The following SESTD1 variants were observed in gnomAD, a reference collection of about 807,000 sequenced individuals.
SESTD1 encodes the protein SEC14 domain and spectrin repeat-containing protein 1.
Under a neutral mutation model 101.7 loss-of-function variants are expected in SESTD1, and 43 were observed. The ratio of observed to expected loss-of-function variants is 0.42; its 90% CI spans 0.33 to 0.55. The LOEUF (loss-of-function observed/expected upper bound fraction) is 0.55, where lower values mean the gene tolerates loss of function less well. SESTD1 is among the 20% of genes least tolerant of loss of function. The pLI, the probability that SESTD1 is intolerant of heterozygous loss-of-function variation, is 0.07. For synonymous variants in SESTD1, 283 were observed against 286.8 expected (o/e 0.99, Z 0.13); for missense variants, 647 against 815.1 (o/e 0.79, Z 2.51).
chr2:179,261,886 T>C lies in SESTD1; in HGVS notation c.-26+2613A>G, dbSNP rs145398477. Among the ~76,000 whole-genome samples, 64 of 152,148 alleles carry C rather than the reference T, an allele frequency of 4.2e-4. 1 individual carries two copies. In the East Asian group the frequency reaches 9.3e-3, roughly 22 times the overall value. ...ACATCTAGGTATACATCCAAGAAAA[T>C]TGAAAGCATATATACCATACAAAAA... On this transcript the variant is annotated intron_variant, in intron 1 of 17. Transcript: ENST00000428443.
chr2:179,229,749 T>TA (rs2046950405), intron 1 of SESTD1, among the ~76,000 whole-genome samples: 2 of 106,362 alleles, frequency 1.9e-5, no homozygotes, highest in South Asian at 7.8e-4. Flanking sequence ...TTGTAAGAAC[T>TA]TATATATATA....
chr2:179,136,602 TA>T (rs1289794268), intron 9 of SESTD1, among the ~76,000 whole-genome samples: 1 of 152,208 alleles, frequency 6.6e-6, no homozygotes, highest in Non-Finnish European at 1.5e-5. Context: ...ATAATGTAAT[TA>T]TTTTACTAGA....
chr2:179,244,518 T>C (rs1415480052), intron 1 of SESTD1, among the ~76,000 whole-genome samples: 2 of 151,512 alleles, frequency 1.3e-5, no homozygotes, highest in Non-Finnish European at 2.9e-5. Flanking sequence ...GGTACAATAT[T>C]TTTCAAGTGA....
chr2:179,136,259 C>G (rs574206239), intron 9 of SESTD1, among the ~76,000 whole-genome samples: 1 of 152,164 alleles, frequency 6.6e-6, no homozygotes, highest in Admixed American at 6.5e-5. Context: ...ATATGTAAGA[C>G]AGCACATTAA....
chr2:179,141,192 A>C (rs1411488959), intron 9 of SESTD1, among the ~76,000 whole-genome samples: 2 of 152,186 alleles, frequency 1.3e-5, no homozygotes, highest in Non-Finnish European at 1.5e-5. Flanking sequence ...ACAAGTCTGA[A>C]ACCAAACTCA....
intron 1 of SESTD1, among the ~76,000 whole-genome samples, chr2:179,202,347 A>T (rs2046530093): frequency 1.5e-5 from 2 of 134,098 alleles, no homozygotes; most frequent in African/African-American, 3.0e-5. Flanking sequence ...TTTTCCTCCA[A>T]TTCTAACTGT....
rs544456569 is a variant in SESTD1, at chr2:179,127,010, CATAA to C, written c.973-2456_973-2453del. Reference sequence around the variant, plus strand: ...ACAATAGCCGGTGATTTGCTTAAAACATAAATTAATTATCTGTCCAAAAGTTTCA... The same window carrying C: ...ACAATAGCCGGTGATTTGCTTAAAACATTAATTATCTGTCCAAAAGTTTCA... On this transcript the variant is annotated intron_variant, in intron 10 of 17. Transcript: ENST00000428443. 7.2e-4 allele frequency among the ~76,000 whole-genome samples: 110 copies of C among 152,328 alleles called. 1 individual carries two copies. The highest frequency in any genetic ancestry group is 2.6e-3 in the African/African-American group (107 of 41,582).
rs144198194 is a variant in SESTD1 at position 179,183,981 on chromosome 2, G to C, written c.56-793C>G. 4.3e-4 allele frequency among the ~76,000 whole-genome samples: 66 copies of C among 152,146 alleles called. 1 individual carries two copies. The South Asian group carries it at 6.4e-3, about 15-fold the overall frequency. ...AAAAGAGTATTCTGTGATGAGGAATGATCTGAGTTAACTCACAAAGGTCAG... is the reference window on the plus strand; with the variant it reads ...AAAAGAGTATTCTGTGATGAGGAATCATCTGAGTTAACTCACAAAGGTCAG... On this transcript the variant is annotated intron_variant, in intron 2 of 17. Transcript: ENST00000428443.
chr2:179,196,862 A>G (rs2105503018), intron 1 of SESTD1, among the ~76,000 whole-genome samples: 2 of 152,326 alleles, frequency 1.3e-5, no homozygotes, highest in African/African-American at 4.8e-5. Flanking sequence ...TGGGGAAAAA[A>G]CAGAGAAGAA....
chr2:179,122,178 G>T (rs1348351292), intron 12 of SESTD1, among the ~76,000 whole-genome samples: 2 of 152,096 alleles, frequency 1.3e-5, no homozygotes, highest in East Asian at 3.9e-4. Context: ...GAAAACATGG[G>T]TTTCCATAGA....
intron 12 of SESTD1, among the ~76,000 whole-genome samples, chr2:179,122,757 G>A (rs778840833): frequency 8.5e-5 from 13 of 152,074 alleles, no homozygotes; most frequent in African/African-American, 1.7e-4. Flanking sequence ...TTAGCCGGGC[G>A]TGGTGGCAGG....
chr2:179,146,430 C>T lies in SESTD1; in HGVS notation c.609G>A (p.Ser203=), dbSNP rs756012108. The T allele has an allele frequency of 2.0e-5, 32 of 1,612,148 alleles. No individual in the cohort carries two copies. Among genetic ancestry groups the T allele is most frequent in the Non-Finnish European group, 2.5e-5 (29 of 1,179,384 alleles). Residue 203 remains serine (S), a synonymous_variant, in exon 8 of 18, where the codon TCG becomes TCA. Coordinates refer to ENST00000428443, the MANE Select transcript of SESTD1 (RefSeq NM_178123.5). ...TCTGAAGAACTGTTTCAGGATCAAC[C>T]GATGGAAGAAAGTTTAAATCCACAG... The part of the protein sequence containing the change: ...ERSVDLNFLP[S]VDPETVLQTG...
At chr2:179,144,632 TCTTC>T (rs1375713837) in intron 8 of SESTD1, among the ~76,000 whole-genome samples, 3 of 152,072 alleles carry the variant, frequency 2.0e-5, no homozygotes, top group Admixed American at 6.5e-5. Flanking sequence ...ATTTAAATTC[TCTTC>T]CTTATTTAGA....
At position 179,115,056 on chromosome 2, in the gene SESTD1, C is replaced by T; in HGVS notation, c.1839+9G>A. The T allele has an allele frequency of 1.2e-6, 2 of 1,601,822 alleles. No homozygotes were observed. The highest frequency in any genetic ancestry group is 1.7e-6 in the Non-Finnish European group (2 of 1,176,350). On this transcript the variant is annotated intron_variant, in intron 16 of 17. Coordinates refer to ENST00000428443, the MANE Select transcript of SESTD1 (RefSeq NM_178123.5). ...CACTGAGAATAACATTTCAAAAACA[C>T]AAGCAAACCTTTTCAGCATTTGAGT...
chr2:179,226,442 G>A (rs1207452692), intron 1 of SESTD1, among the ~76,000 whole-genome samples: 5 of 152,140 alleles, frequency 3.3e-5, no homozygotes, highest in African/African-American at 1.2e-4. Context: ...TTTTGTGACC[G>A]CAGTCGTTTT....
At chr2:179,145,794 T>TA (rs1362600949) in intron 8 of SESTD1, among the ~76,000 whole-genome samples, 1 of 152,174 alleles carries the variant, frequency 6.6e-6, no homozygotes, top group African/African-American at 2.4e-5. Flanking sequence ...ACAAAATAGA[T>TA]AAAATAATAC....
intron 1 of SESTD1, among the ~76,000 whole-genome samples, chr2:179,237,532 T>G (rs996214990): frequency 6.6e-6 from 1 of 152,182 alleles, no homozygotes; most frequent in African/African-American, 2.4e-5. Context: ...TGTGTGTCCC[T>G]TCCCTACAAG....
rs968495857 is a variant in SESTD1 at position 179,105,744 on chromosome 2, T to G, written c.*4155A>C. On this transcript the variant is annotated 3_prime_UTR_variant, in exon 18 of 18. Transcript: ENST00000428443. ...TCATATTTTATTCTTGAAATTGGTA[T>G]GACTTCTCTGTTTTACAGCCTGAGA... The G allele has an allele frequency of 2.0e-5, 3 of 152,214 alleles. No individual in the cohort carries two copies. Among genetic ancestry groups the G allele is most frequent in the Non-Finnish European group, 4.4e-5 (3 of 68,034 alleles). The allele number at this position is 152,214 out of a possible 1,614,324, so 9.4% of individuals were successfully genotyped here. A position where few individuals can be genotyped will look rare whatever the true frequency, so the allele number is the denominator to read the frequency against.
intron 10 of SESTD1, among the ~76,000 whole-genome samples, 170 bp from the exon 11 acceptor site, chr2:179,124,728 A>AT (rs2044831166): frequency 6.6e-6 from 1 of 152,022 alleles, no homozygotes; most frequent in South Asian, 2.1e-4. Context: ...CTGGAACTCA[A>AT]TCCCTGACCT....
Sources: gnomAD v4.1 joint callset for allele counts (sites outside exome capture counted in the v4.1 genomes callset) on GRCh38, gnomAD v4.1.1 for gene constraint, MANE v1.5 for transcripts, NCBI Gene and HGNC (gene_info 2026-07-23, HGNC 2026-07-21) for gene names.